MBD2: variants seen among roughly 807,000 people sequenced by gnomAD.
MBD2 encodes the protein methyl-CpG-binding domain protein 2.
MBD2 carries 9 observed loss-of-function variants against 39.3 expected under a neutral mutation model. The ratio of observed to expected loss-of-function variants is 0.23; its 90% CI spans 0.14 to 0.40. MBD2 has a LOEUF of 0.40. Ranked by LOEUF, MBD2 falls within the 10% of genes least tolerant of loss-of-function variation. The pLI, the probability that MBD2 is intolerant of heterozygous loss-of-function variation, is 1.00. For missense variants in MBD2, 458 were observed against 532.6 expected (o/e 0.86, Z 1.38); for synonymous variants, 233 against 211.1 (o/e 1.10, Z -0.90).
intron 1 of MBD2, among the ~76,000 whole-genome samples, chr18:54,206,272 A>C (rs755981395): frequency 6.6e-6 from 1 of 152,184 alleles, no homozygotes; most frequent in Non-Finnish European, 1.5e-5. Flanking sequence ...AGTCTTTCCT[A>C]AAAAATTTTT....
chr18:54,222,239 C>G (rs777393191), intron 1 of MBD2: 1 of 401,954 alleles, frequency 2.5e-6, no homozygotes, highest in Non-Finnish European at 5.0e-6. Context: ...CTTGAGAAAA[C>G]TAATCTTTTT....
chr18:54,182,603 G>A (rs1053090663), intron 3 of MBD2, among the ~76,000 whole-genome samples: 9 of 152,140 alleles, frequency 5.9e-5, no homozygotes, highest in Non-Finnish European at 1.3e-4. Context: ...CTACCAGAAA[G>A]CACTGCAGGG....
At chr18:54,184,838 A>G (rs916880178) in intron 3 of MBD2, among the ~76,000 whole-genome samples, 1 of 152,090 alleles carries the variant, frequency 6.6e-6, no homozygotes, top group African/African-American at 2.4e-5. Flanking sequence ...TCCCAACAGT[A>G]CCCAGAGTAA....
In MBD2 at chr18:54,214,200, TG is replaced by T. The variant is rs201691981; in HGVS notation, c.543-9044del. On this transcript the variant is annotated intron_variant, in intron 1 of 6. Transcript: ENST00000256429. Reference sequence around the variant, plus strand: ...TGTTTGTTTCTTTCTTTCTTTGTTTTGTTTTTTTTTTTAGAGACAGGGTCTC... The same window carrying T: ...TGTTTGTTTCTTTCTTTCTTTGTTTTTTTTTTTTTTTAGAGACAGGGTCTC... 4.9e-3 allele frequency among the ~76,000 whole-genome samples: 748 copies of T among 151,456 alleles called. 5 individuals are homozygous for T. The highest frequency in any genetic ancestry group is 0.015 in the African/African-American group (636 of 41,362).
intron 1 of MBD2, among the ~76,000 whole-genome samples, chr18:54,216,756 A>C (rs1444595076): frequency 1.6e-5 from 2 of 125,350 alleles, no homozygotes; most frequent in African/African-American, 6.2e-5. Context: ...CACAGCATTC[A>C]AAAAAAAAAA....
Position 54,159,806 on chromosome 18 carries a change from T to C in MBD2, c.1207A>G (p.Ile403Val), listed in dbSNP as rs780879642. The C allele has an allele frequency of 1.2e-5, 19 of 1,612,024 alleles. No individual in the cohort carries two copies. The South Asian group carries it at 1.9e-4, about 16-fold the overall frequency. Residue 403 changes from isoleucine (I) to valine (V), a missense_variant, in exon 6 of 7, where the codon ATT becomes GTT. Physicochemically the swap from Ile to Val is conservative, Grantham distance 29 (BLOSUM62 3). Around this residue, in one of 2 missense-constraint regions of MBD2, gnomAD observed 189 missense variants for 296.6 expected, o/e 0.64. Transcript: ENST00000256429. ...GCTTCATCTCCACTGTCCATTTCAA[T>C]ATCCATCTCTTCTGTATCAGCAGCT... is the stretch of plus-strand genomic sequence containing the variant. ...SRAADTEEMD[I>V]EMDSGDEA
chr18:54,191,816 T>G (rs1265206389), intron 2 of MBD2, among the ~76,000 whole-genome samples: 1 of 152,244 alleles, frequency 6.6e-6, no homozygotes. Context: ...ATCTCATTTT[T>G]TTCCCCCAAT....
chr18:54,192,927 A>C (rs1271480722), intron 2 of MBD2, among the ~76,000 whole-genome samples: 2 of 152,246 alleles, frequency 1.3e-5, no homozygotes, highest in Non-Finnish European at 2.9e-5. Flanking sequence ...ATGAGACATT[A>C]TTCAAAATGT....
intron 3 of MBD2, chr18:54,187,605 GA>G: frequency 3.7e-6 from 3 of 812,612 alleles, no homozygotes; most frequent in Non-Finnish European, 4.5e-6. Context: ...AAACAGAAGG[GA>G]AAAGCCTCAC....
intron 3 of MBD2, chr18:54,187,929 C>A (rs2086295265): frequency 3.4e-6 from 3 of 883,788 alleles, no homozygotes; most frequent in Admixed American, 6.2e-5. Context: ...TTGGCCCAAT[C>A]CTTTATGAAG....
chr18:54,181,118 C>T (rs760185257), intron 3 of MBD2, among the ~76,000 whole-genome samples: 5 of 152,134 alleles, frequency 3.3e-5, no homozygotes, highest in African/African-American at 7.2e-5. Flanking sequence ...TGGTTTTGAA[C>T]TCCTGGCCTC....
intron 2 of MBD2, among the ~76,000 whole-genome samples, chr18:54,201,450 A>C (rs999187897): frequency 6.6e-5 from 10 of 152,230 alleles, no homozygotes; most frequent in African/African-American, 2.4e-4. Context: ...GTTAAGATTG[A>C]GTTTGAGATA....
chr18:54,205,955 CAT>C (rs1221433697), intron 1 of MBD2, among the ~76,000 whole-genome samples: 5 of 144,478 alleles, frequency 3.5e-5, no homozygotes, highest in Non-Finnish European at 6.0e-5. Flanking sequence ...AAAACACACA[CAT>C]ACACACACAC....
intron 2 of MBD2, among the ~76,000 whole-genome samples, chr18:54,195,535 A>G (rs1478717648): frequency 1.3e-5 from 2 of 152,108 alleles, no homozygotes; most frequent in Non-Finnish European, 2.9e-5. Flanking sequence ...CAGTTTCCTC[A>G]TCTGTAAATG....
In MBD2 at chr18:54,170,286, T is replaced by C. The variant is rs140159370; in HGVS notation, c.841-4120A>G. Among the ~76,000 whole-genome samples, 610 of 152,372 alleles carry C rather than the reference T, an allele frequency of 4.0e-3. 3 individuals are homozygous for C. The highest frequency in any genetic ancestry group is 6.8e-3 in the Middle Eastern group (2 of 294). ...GAGGTCAATGATCAAATCTGTTTAC[T>C]GAAAGTAAAATGAACCCACGATAGC... On this transcript the variant is annotated intron_variant, in intron 3 of 6. Coordinates refer to ENST00000256429, the MANE Select transcript of MBD2 (RefSeq NM_003927.5).
intron 2 of MBD2, among the ~76,000 whole-genome samples, chr18:54,194,545 TTGTG>T (rs994606157): frequency 2.0e-5 from 3 of 148,440 alleles, no homozygotes; most frequent in East Asian, 1.9e-4. Context: ...TATATAGAAG[TTGTG>T]TGTGTGTGTA....
intron 2 of MBD2, chr18:54,203,073 T>C (rs756640657): frequency 4.6e-6 from 7 of 1,528,904 alleles, no homozygotes; most frequent in East Asian, 2.3e-5. Flanking sequence ...GCGCATGCCA[T>C]GGTGCAGGAC....
At chr18:54,166,445 T>C (rs1358004494) in intron 3 of MBD2, among the ~76,000 whole-genome samples, 1 of 152,210 alleles carries the variant, frequency 6.6e-6, no homozygotes, top group African/African-American at 2.4e-5. Flanking sequence ...TAGTTTCTTA[T>C]AAGGTATCTT....
At chr18:54,181,997 T>C (rs769830209) in intron 3 of MBD2, among the ~76,000 whole-genome samples, 4 of 152,324 alleles carry the variant, frequency 2.6e-5, no homozygotes, top group Middle Eastern at 6.8e-3. Flanking sequence ...TTTTTTTCAT[T>C]GCACTTAACA....
Sources: allele counts gnomAD v4.1 joint callset (sites outside exome capture counted in the v4.1 genomes callset), GRCh38; gene constraint gnomAD v4.1.1; regional missense constraint gnomAD v4.1.1; transcripts MANE v1.5; gene names NCBI Gene and HGNC (gene_info 2026-07-23, HGNC 2026-07-21).